The following CCSER1 variants were observed in gnomAD, a reference collection of about 807,000 sequenced individuals.
CCSER1 encodes the protein serine-rich coiled-coil domain-containing protein 1.
In CCSER1, 41 loss-of-function variants were observed where a neutral mutation model predicts 82.0. The ratio of observed to expected loss-of-function variants is 0.50; its 90% confidence interval spans 0.39 to 0.65. CCSER1 has a LOEUF of 0.65. CCSER1 is among the 30% of genes least tolerant of loss of function. CCSER1 has a pLI of 0.00. For synonymous variants in CCSER1, 414 were observed against 383.9 expected (o/e 1.08, Z -0.92); for missense variants, 1,119 against 1,064.2 (o/e 1.05, Z -0.72).
chr4:91,578,047 TCTAATGTGTGTGAAGCACCCACCTGGG>T (rs765502654), intron 10 of CCSER1, among the ~76,000 whole-genome samples: 5 of 151,966 alleles, frequency 3.3e-5, no homozygotes, highest in Non-Finnish European at 5.9e-5. Context: ...TTGATGCAAA[TCTAATGTGTGTGAAGCACCCACCTGGG>T]CTGCTTTGCA....
intron 10 of CCSER1, among the ~76,000 whole-genome samples, chr4:91,473,536 C>CAACA (rs1757401763): frequency 6.6e-6 from 1 of 152,030 alleles, no homozygotes; most frequent in African/African-American, 2.4e-5. Context: ...TTTTTGGATT[C>CAACA]AACAGACTTA....
chr4:90,461,108 C>T (rs1316633032), intron 4 of CCSER1, among the ~76,000 whole-genome samples: 1 of 95,764 alleles, frequency 1.0e-5, no homozygotes, highest in Non-Finnish European at 1.8e-5. Context: ...CTCTGTCGCC[C>T]AGGCTGGAGT....
At chr4:90,609,509 A>T (rs1399996647) in intron 5 of CCSER1, among the ~76,000 whole-genome samples, 1 of 152,234 alleles carries the variant, frequency 6.6e-6, no homozygotes, top group Non-Finnish European at 1.5e-5. Flanking sequence ...GAAAGAATAA[A>T]TAAAATGTTC....
chr4:91,353,317 C>T (rs996789229), intron 10 of CCSER1, among the ~76,000 whole-genome samples: 10 of 152,266 alleles, frequency 6.6e-5, no homozygotes, highest in South Asian at 2.1e-4. Flanking sequence ...GCAAGGGGTC[C>T]GTGACGGGCT....
intron 10 of CCSER1, among the ~76,000 whole-genome samples, chr4:91,218,016 A>C (rs980390855): frequency 3.7e-4 from 56 of 152,288 alleles, no homozygotes; most frequent in African/African-American, 1.3e-3. Context: ...GCCGTGGAGC[A>C]GGGGGTGGTG....
chr4:90,540,212 T>C (rs1775933876), intron 5 of CCSER1, among the ~76,000 whole-genome samples: 1 of 152,140 alleles, frequency 6.6e-6, no homozygotes, highest in Non-Finnish European at 1.5e-5. Context: ...CAACTTAACA[T>C]AGAAAAATAA....
At chr4:91,127,767 G>A (rs947284669) in intron 10 of CCSER1, among the ~76,000 whole-genome samples, 1 of 151,920 alleles carries the variant, frequency 6.6e-6, no homozygotes, top group Non-Finnish European at 1.5e-5. Flanking sequence ...ATGACTAATC[G>A]AAGAATTAGG....
chr4:90,322,147 T>G (rs1209269085), intron 3 of CCSER1, among the ~76,000 whole-genome samples: 1 of 152,180 alleles, frequency 6.6e-6, no homozygotes, highest in Non-Finnish European at 1.5e-5. Flanking sequence ...CATTTTGATT[T>G]GATTTTTATA....
intron 3 of CCSER1, among the ~76,000 whole-genome samples, chr4:90,348,219 G>A (rs1317722385): frequency 6.6e-6 from 1 of 152,012 alleles, no homozygotes; most frequent in African/African-American, 2.4e-5. Flanking sequence ...CCCCCATGGT[G>A]CACGTTTACC....
intron 8 of CCSER1, among the ~76,000 whole-genome samples, chr4:90,843,694 G>A (rs1762846494): frequency 6.6e-6 from 1 of 152,116 alleles, no homozygotes; most frequent in Admixed American, 6.5e-5. Flanking sequence ...CCTTGTTATT[G>A]TATATCTGGT....
At chr4:90,186,927 G>A (rs564935348) in intron 1 of CCSER1, among the ~76,000 whole-genome samples, 4 of 151,568 alleles carry the variant, frequency 2.6e-5, no homozygotes, top group Non-Finnish European at 5.9e-5. Flanking sequence ...ACCCTTTCTT[G>A]GTATCTTTTT....
intron 6 of CCSER1, among the ~76,000 whole-genome samples, chr4:90,697,619 A>C (rs2149261263): frequency 6.6e-6 from 1 of 152,194 alleles, no homozygotes; most frequent in African/African-American, 2.4e-5. Context: ...ATCCGCATAA[A>C]CCTTTAGTGA....
chr4:90,710,806 T>C (rs1312331961), intron 6 of CCSER1, among the ~76,000 whole-genome samples: 2 of 152,116 alleles, frequency 1.3e-5, no homozygotes, highest in Non-Finnish European at 2.9e-5. Flanking sequence ...TTGTCTTGGC[T>C]ATTTATGCTC....
chr4:91,401,770 G>C (rs1237557625), intron 10 of CCSER1, among the ~76,000 whole-genome samples: 1 of 152,118 alleles, frequency 6.6e-6, no homozygotes, highest in African/African-American at 2.4e-5. Flanking sequence ...TGGTGTATAT[G>C]TGCCACATTT....
chr4:90,581,766 T>C (rs1560757188), intron 5 of CCSER1, among the ~76,000 whole-genome samples: 1 of 152,178 alleles, frequency 6.6e-6, no homozygotes, highest in Non-Finnish European at 1.5e-5. Context: ...AGTTTTTGCA[T>C]GGGGACTATT....
intron 10 of CCSER1, among the ~76,000 whole-genome samples, chr4:91,469,062 A>G (rs774640058): frequency 2.0e-5 from 3 of 152,206 alleles, no homozygotes; most frequent in Non-Finnish European, 2.9e-5. Context: ...GTAGTGGAAA[A>G]TTAATTGATA....
chr4:91,077,995 T>C (rs936616043), intron 9 of CCSER1, among the ~76,000 whole-genome samples: 2 of 152,204 alleles, frequency 1.3e-5, no homozygotes, highest in Non-Finnish European at 2.9e-5. Context: ...CGCCTGCCTC[T>C]GTAGACTCCA....
At chr4:90,886,772 A>C (rs1452075788) in intron 8 of CCSER1, among the ~76,000 whole-genome samples, 1 of 152,202 alleles carries the variant, frequency 6.6e-6, no homozygotes, top group Non-Finnish European at 1.5e-5. Context: ...CCTCAGTCTT[A>C]TGAAGCTACC....
rs1189309598 is a variant in CCSER1 at position 90,271,826 on chromosome 4, TTATATATATATATATATATA to T, written c.-41-36400_-41-36381del. Reference sequence around the variant, plus strand: ...AAGATACTACCTGAGACTGGACAATTTATATATATATATATATATATATATATATATATATATTTTTTTTT... The same window carrying T: ...AAGATACTACCTGAGACTGGACAATTTATATATATATATATATTTTTTTTT... On this transcript the variant is annotated intron_variant, in intron 1 of 10. Transcript: ENST00000509176. Among the ~76,000 whole-genome samples, 73 of 42,880 alleles carry T rather than the reference TTATATATATATATATATATA, an allele frequency of 1.7e-3. 6 individuals carry two copies. The highest frequency in any genetic ancestry group is 6.3e-3 in the East Asian group (12 of 1,896). 28.1% of individuals were successfully genotyped at this position (42,880 alleles called of 152,430 possible).
Sources: gnomAD v4.1 joint callset for allele counts (sites outside exome capture counted in the v4.1 genomes callset) on GRCh38, gnomAD v4.1.1 for gene constraint, MANE v1.5 for transcripts, NCBI Gene and HGNC (gene_info 2026-07-23, HGNC 2026-07-21) for gene names.